The following DOCK11 variants were observed in gnomAD, a reference collection of about 807,000 sequenced individuals.
DOCK11 encodes dedicator of cytokinesis protein 11.
A neutral mutation model predicts 169.1 loss-of-function variants in DOCK11; 70 were observed. The ratio of observed to expected loss-of-function variants is 0.41; its 90% CI spans 0.34 to 0.51. DOCK11 has a LOEUF of 0.51. Among genes scored for constraint, DOCK11 ranks in the 20% least tolerant of loss-of-function variants. The pLI is 0.10. For missense variants in DOCK11, 1,166 were observed against 1,538.8 expected (o/e 0.76, Z 4.05); for synonymous variants, 529 against 541.3 (o/e 0.98, Z 0.32).
intron 1 of DOCK11, among the ~76,000 whole-genome samples, chrX:118,509,053 G>T (rs142237435): frequency 0.023 from 2,533 of 111,353 alleles, 55 homozygotes; most frequent in African/African-American, 0.059. Flanking sequence ...GGATCTTCTT[G>T]TCCCCTTGTG....
intron 3 of DOCK11, 47 bp downstream of exon 3, chrX:118,543,062 A>G: frequency 1.0e-6 from 1 of 953,890 alleles, no homozygotes; most frequent in Non-Finnish European, 1.5e-6. Flanking sequence ...TATATTTAAA[A>G]TATATACAGT....
chrX:118,605,687 A>G (rs1011529207), intron 24 of DOCK11, among the ~76,000 whole-genome samples: 1 of 111,984 alleles, frequency 8.9e-6, no homozygotes, highest in Non-Finnish European at 1.9e-5. Context: ...TGTGTGGCCT[A>G]ACATATATGG....
chrX:118,681,430 G>A (rs1261527476), intron 50 of DOCK11, among the ~76,000 whole-genome samples, 182 bp downstream of exon 50: 8 of 112,678 alleles, frequency 7.1e-5, no homozygotes, highest in Non-Finnish European at 1.5e-4. Context: ...TTTGTGTTAT[G>A]TCAGAGGACT....
intron 4 of DOCK11, among the ~76,000 whole-genome samples, chrX:118,544,677 T>TTTTG (rs1362943408): frequency 1.5e-5 from 1 of 67,251 alleles, no homozygotes; most frequent in Admixed American, 1.8e-4. Flanking sequence ...TTTTTTTTTT[T>TTTTG]GAGACAGAGT....
intron 1 of DOCK11, among the ~76,000 whole-genome samples, chrX:118,527,469 T>C (rs1442102332): frequency 8.9e-6 from 1 of 111,882 alleles, no homozygotes; most frequent in Non-Finnish European, 1.9e-5. Context: ...GGTCCGAGGT[T>C]CCTTGTAGTC....
intron 40 of DOCK11, among the ~76,000 whole-genome samples, chrX:118,647,636 A>T (rs1446804637): frequency 3.2e-5 from 2 of 61,843 alleles, no homozygotes; most frequent in South Asian, 7.2e-4. Context: ...ATTATATGTT[A>T]ATATATTATA....
At chrX:118,652,344 AT>A (rs769298856) in intron 42 of DOCK11, among the ~76,000 whole-genome samples, 1,122 of 109,011 alleles carry the variant, frequency 0.01, 32 homozygotes, top group Admixed American at 0.083. Flanking sequence ...TCGAATCTGA[AT>A]TTTTTTTTTC....
chrX:118,567,586 C>T (rs920805773), intron 9 of DOCK11, among the ~76,000 whole-genome samples: 3 of 110,246 alleles, frequency 2.7e-5, no homozygotes, highest in Non-Finnish European at 1.9e-5. Context: ...GCGCCCACCA[C>T]CACGCCCAGC....
intron 21 of DOCK11, 118 bp downstream of exon 21, chrX:118,597,670 G>A (rs929088744): frequency 1.2e-6 from 1 of 822,121 alleles, no homozygotes; most frequent in East Asian, 3.3e-5. Context: ...GGCTGGTGCG[G>A]GTCCACAACA....
At chrX:118,599,051 G>A in intron 22 of DOCK11, 88 bp from the exon 23 acceptor site, 1 of 740,952 alleles carries the variant, frequency 1.3e-6, no homozygotes, top group Non-Finnish European at 2.1e-6. Context: ...AAATAGGTCT[G>A]CAAGATACAG....
At chrX:118,526,551 T>G (rs752870283) in intron 1 of DOCK11, among the ~76,000 whole-genome samples, 3 of 112,129 alleles carry the variant, frequency 2.7e-5, no homozygotes, top group Non-Finnish European at 5.6e-5. Flanking sequence ...GGCCAGCCCC[T>G]GACCTGGCCA....
Position 118,566,137 on chromosome X carries a change from G to A in DOCK11, c.826G>A (p.Asp276Asn), listed in dbSNP as rs905216314. 11 of 1,207,963 alleles carry A rather than the reference G, an allele frequency of 9.1e-6. No homozygotes were observed. The highest frequency in any genetic ancestry group is 3.6e-5 in the South Asian group (2 of 55,850). Residue 276 changes from aspartate to asparagine, a missense_variant, in exon 8 of 53, where the codon GAC (aspartate) becomes AAC (asparagine). Physicochemically the swap from Asp to Asn is conservative, Grantham distance 23. Coordinates refer to ENST00000276202, the MANE Select transcript of DOCK11 (RefSeq NM_144658.4). Reference protein sequence around the residue: ...TLKKIIQINTDSLVQEKKETV... With the variant: ...TLKKIIQINTNSLVQEKKETV... Reference sequence around the variant, plus strand: ...GAAAAAGATTATTCAGATCAACACCGACAGTTTAGTTCAAGAAAAAAAGGA... The same window carrying A: ...GAAAAAGATTATTCAGATCAACACCAACAGTTTAGTTCAAGAAAAAAAGGA...
rs35095116 is a variant in DOCK11 at position 118,581,805 on chromosome X, T to TAAAAAAAAAAAA, written c.1595+1650_1595+1661dup. Among the ~76,000 whole-genome samples, 3 of 12,746 alleles carry TAAAAAAAAAAAA rather than the reference T, an allele frequency of 2.4e-4. 1 individual carries two copies. The highest frequency in any genetic ancestry group is 1.0e-3 in the African/African-American group (3 of 3,014). The allele number at this position is 12,746 out of a possible 115,157, so 11.1% of individuals were successfully genotyped here. On this transcript the variant is annotated intron_variant, in intron 14 of 52. Coordinates refer to ENST00000276202, the MANE Select transcript of DOCK11 (RefSeq NM_144658.4). ...GGCGACAGAGCGAGACTCCGTCTCC[T>TAAAAAAAAAAAA]AAAAAAAAAAAAAAAAAAAAAAAAA...
At chrX:118,525,618 G>C (rs1317051238) in intron 1 of DOCK11, among the ~76,000 whole-genome samples, 2 of 111,543 alleles carry the variant, frequency 1.8e-5, no homozygotes, top group Non-Finnish European at 3.8e-5. Context: ...TGATTGCAGA[G>C]TAATGTGAAT....
chrX:118,500,237 A>G (rs1165309048), intron 1 of DOCK11, among the ~76,000 whole-genome samples: 2 of 109,132 alleles, frequency 1.8e-5, no homozygotes, highest in Non-Finnish European at 3.8e-5. Flanking sequence ...TTTAGTAGAG[A>G]CGGGGTTTCA....
intron 6 of DOCK11, among the ~76,000 whole-genome samples, chrX:118,547,528 T>C (rs1411057564): frequency 3.6e-5 from 4 of 112,418 alleles, no homozygotes; most frequent in Non-Finnish European, 5.6e-5. Flanking sequence ...CTGGGTGTTT[T>C]ATATTCTGTA....
At chrX:118,592,527 A>G (rs902407642) in intron 19 of DOCK11, among the ~76,000 whole-genome samples, 1 of 112,613 alleles carries the variant, frequency 8.9e-6, no homozygotes, top group Non-Finnish European at 1.9e-5. Context: ...TTGTGGGTAC[A>G]TGCATGTGCA....
At chrX:118,558,428 ATTATTCTGTATAGTCG>A (rs1484725640) in intron 6 of DOCK11, among the ~76,000 whole-genome samples, 2 of 111,944 alleles carry the variant, frequency 1.8e-5, no homozygotes, top group African/African-American at 6.5e-5. Flanking sequence ...AGTAATTACC[ATTATTCTGTATAGTCG>A]TTATTTTAAC....
intron 52 of DOCK11, among the ~76,000 whole-genome samples, chrX:118,684,260 CT>C (rs1163600493): frequency 1.1e-4 from 10 of 90,416 alleles, no homozygotes; most frequent in Non-Finnish European, 1.8e-4. Flanking sequence ...GCTTTTTTTT[CT>C]TTTTTTTTTC....
Sources: allele counts gnomAD v4.1 joint callset (sites outside exome capture counted in the v4.1 genomes callset), GRCh38; gene constraint gnomAD v4.1.1; transcripts MANE v1.5; gene names NCBI Gene and HGNC (gene_info 2026-07-23, HGNC 2026-07-21).